The following SPATA6 variants were observed in gnomAD, a reference collection of about 807,000 sequenced individuals.
The protein encoded by SPATA6 is spermatogenesis-associated protein 6.
A neutral mutation model predicts 65.3 loss-of-function variants in SPATA6; 56 were observed. The ratio of observed to expected loss-of-function variants is 0.86; its 90% CI spans 0.69 to 1.07. SPATA6 has a LOEUF of 1.07. Among genes scored for constraint, SPATA6 ranks in the 50% least tolerant of loss-of-function variants. The probability of loss-of-function intolerance (pLI) is 0.00; values close to 1 mark genes in which losing one functional copy is unlikely to be tolerated. For synonymous variants in SPATA6, 199 were observed against 213.2 expected, an observed-to-expected ratio of 0.93 and a Z score of 0.58; for missense variants, 590 against 594.8, an observed-to-expected ratio of 0.99 and a Z score of 0.08.
intron 11 of SPATA6, among the ~76,000 whole-genome samples, chr1:48,318,860 C>G (rs1390361151): frequency 6.6e-6 from 1 of 151,998 alleles, no homozygotes; most frequent in Non-Finnish European, 1.5e-5. Context: ...TTCCTGATAT[C>G]AAAATTTACT....
chr1:48,417,144 A>G (rs1271111529), intron 3 of SPATA6, among the ~76,000 whole-genome samples: 1 of 152,208 alleles, frequency 6.6e-6, no homozygotes, highest in East Asian at 1.9e-4. Context: ...CAACAAGAAA[A>G]GAGAAACTAT....
intron 3 of SPATA6, among the ~76,000 whole-genome samples, chr1:48,437,816 A>G (rs1195280924): frequency 1.2e-4 from 18 of 152,000 alleles, no homozygotes; most frequent in Admixed American, 1.1e-3. Context: ...AGGGGGCTAA[A>G]GTAACACTTT....
intron 9 of SPATA6, among the ~76,000 whole-genome samples, chr1:48,379,229 T>C (rs1648269606): frequency 6.6e-6 from 1 of 152,108 alleles, no homozygotes. Context: ...AAACTGCTTA[T>C]CAAACCATCA....
chr1:48,453,147 T>C lies in SPATA6; in HGVS notation c.52-16A>G, dbSNP rs750115692. On this transcript the variant is annotated splice_polypyrimidine_tract_variant and intron_variant, in intron 1 of 12. Transcript: ENST00000371847. ...GGCAAGTTACCTGAAAGAAATTAGA[T>C]AAAATGGATGTAACTGCTTTATAAA... The C allele has an allele frequency of 1.7e-4, 267 of 1,605,958 alleles. No individual in the cohort carries two copies. Among genetic ancestry groups the C allele is most frequent in the Non-Finnish European group, 2.2e-4 (261 of 1,177,486 alleles).
chr1:48,395,997 A>T (rs12077469), intron 7 of SPATA6, among the ~76,000 whole-genome samples: 2,243 of 151,962 alleles, frequency 0.015, 47 homozygotes, highest in African/African-American at 0.05. Flanking sequence ...TCCAGAATAA[A>T]GAACCCCTAC....
intron 3 of SPATA6, among the ~76,000 whole-genome samples, chr1:48,426,161 G>A (rs934422726): frequency 3.3e-5 from 5 of 152,138 alleles, no homozygotes; most frequent in East Asian, 1.9e-4. Context: ...ATGGAAAAAC[G>A]GGCAAAAGAC....
At chr1:48,313,860 T>G (rs533746727) in intron 11 of SPATA6, among the ~76,000 whole-genome samples, 6 of 151,374 alleles carry the variant, frequency 4.0e-5, no homozygotes, top group Non-Finnish European at 8.9e-5. Context: ...ATCAAGCAAA[T>G]GGAAAACAAA....
chr1:48,291,362 G>A (rs529238241), downstream of SPATA6, among the ~76,000 whole-genome samples: 7 of 152,310 alleles, frequency 4.6e-5, no homozygotes, highest in Non-Finnish European at 8.8e-5. Flanking sequence ...TGTGGGCAGG[G>A]TTAGGCTGAG....
chr1:48,413,205 T>A, intron 3 of SPATA6, 54 bp from the exon 4 acceptor site: 2 of 1,048,830 alleles, frequency 1.9e-6, no homozygotes, highest in Non-Finnish European at 2.6e-6. Context: ...ACAAAAAAAT[T>A]ACTTAATTTA....
chr1:48,352,120 A>G (rs1005822805), intron 11 of SPATA6, among the ~76,000 whole-genome samples: 2 of 152,084 alleles, frequency 1.3e-5, no homozygotes, highest in South Asian at 2.1e-4. Flanking sequence ...GTTAAAGCCA[A>G]TAGGGAGCAA....
chr1:48,430,165 A>C (rs1263406930), intron 3 of SPATA6, among the ~76,000 whole-genome samples: 1 of 152,182 alleles, frequency 6.6e-6, no homozygotes, highest in Non-Finnish European at 1.5e-5. Flanking sequence ...AGAAAGATGA[A>C]TATAAAAGTA....
chr1:48,352,017 G>A (rs943566203), intron 11 of SPATA6, among the ~76,000 whole-genome samples: 4 of 151,944 alleles, frequency 2.6e-5, no homozygotes, highest in African/African-American at 9.7e-5. Flanking sequence ...TCATGCTGCT[G>A]ATAAAGACAT....
chr1:48,445,476 T>C (rs918013554), intron 3 of SPATA6, among the ~76,000 whole-genome samples: 20 of 151,872 alleles, frequency 1.3e-4, no homozygotes, highest in Admixed American at 6.6e-4. Context: ...CTGGCTAACA[T>C]GGTAAAACCC....
At chr1:48,342,351 T>C (rs1243708153) in intron 11 of SPATA6, among the ~76,000 whole-genome samples, 1 of 152,104 alleles carries the variant, frequency 6.6e-6, no homozygotes, top group East Asian at 1.9e-4. Context: ...AGAAATCAGA[T>C]ACAAAAGAAT....
At chr1:48,391,937 G>A (rs768173999) in intron 8 of SPATA6, among the ~76,000 whole-genome samples, 44 of 152,056 alleles carry the variant, frequency 2.9e-4, no homozygotes, top group Non-Finnish European at 4.6e-4. Flanking sequence ...ATGACTTGGC[G>A]CAACTTACTA....
the SPATA6 span, among the ~76,000 whole-genome samples, chr1:48,264,689 G>A: frequency 6.6e-6 from 1 of 152,166 alleles, no homozygotes; most frequent in African/African-American, 2.4e-5. Flanking sequence ...CCCTGCAAAG[G>A]ACAGGAACTC....
chr1:48,453,231 G>A lies in SPATA6; in HGVS notation c.52-100C>T, dbSNP rs374023401. On this transcript the variant is annotated intron_variant, in intron 1 of 12. Coordinates refer to ENST00000371847, the MANE Select transcript of SPATA6 (RefSeq NM_019073.4). ...AATATTACATAAAAACATTAGTCTG[G>A]TAATCTAATAAAAAATACTCACAAA... 238 of 1,256,666 alleles carry A rather than the reference G, an allele frequency of 1.9e-4. 2 individuals are homozygous for A. In the African/African-American group the frequency reaches 3.4e-3, roughly 18 times the overall value. 77.8% of individuals were successfully genotyped at this position (1,256,666 alleles called of 1,614,324 possible).
intron 3 of SPATA6, among the ~76,000 whole-genome samples, chr1:48,439,091 A>G (rs1406311066): frequency 6.6e-6 from 1 of 152,178 alleles, no homozygotes; most frequent in East Asian, 1.9e-4. Flanking sequence ...TTTTTGGGGC[A>G]TAACATCTTT....
intron 3 of SPATA6, among the ~76,000 whole-genome samples, chr1:48,435,119 T>C (rs1396592597): frequency 1.3e-5 from 2 of 152,136 alleles, no homozygotes; most frequent in Non-Finnish European, 2.9e-5. Context: ...GAAAGTTCTA[T>C]AATAATACTA....
Sources: allele counts gnomAD v4.1 joint callset (sites outside exome capture counted in the v4.1 genomes callset), GRCh38; gene constraint gnomAD v4.1.1; transcripts MANE v1.5; gene names NCBI Gene and HGNC (gene_info 2026-07-23, HGNC 2026-07-21).